Variants in STRA8 observed in about 807,000 individuals in gnomAD.
STRA8 encodes stimulated by retinoic acid gene 8 protein homolog.
Under a neutral mutation model 37.1 loss-of-function variants are expected in STRA8, and 18 were observed. The observed-to-expected ratio is 0.48, with a 90% CI of 0.34 to 0.72. STRA8 has a LOEUF of 0.72. STRA8 is among the 30% of genes least tolerant of loss of function. The pLI is 0.01. For missense variants in STRA8, 357 were observed against 410.4 expected (o/e 0.87, Z 1.13); for synonymous variants, 168 against 162.9 (o/e 1.03, Z -0.24).
chr7:135,252,954 A>G (rs1323648250), intron 7 of STRA8, among the ~76,000 whole-genome samples: 1 of 151,952 alleles, frequency 6.6e-6, no homozygotes, highest in Non-Finnish European at 1.5e-5. Context: ...TTTTTTTCTA[A>G]GACAGAGTCT....
chr7:135,232,820 G>A (rs1832313250), upstream of STRA8, among the ~76,000 whole-genome samples: 1 of 152,136 alleles, frequency 6.6e-6, no homozygotes, highest in African/African-American at 2.4e-5. Flanking sequence ...TCCCTGCGAG[G>A]TGGATTCTAA....
chr7:135,253,225 C>A (rs1294257148), intron 7 of STRA8, among the ~76,000 whole-genome samples: 1 of 152,346 alleles, frequency 6.6e-6, no homozygotes, highest in East Asian at 1.9e-4. Flanking sequence ...TGAGCCACAG[C>A]GCCTGGCTCT....
At chr7:135,257,861 TC>T (rs1393176642) in intron 8 of STRA8, among the ~76,000 whole-genome samples, 2 of 152,166 alleles carry the variant, frequency 1.3e-5, no homozygotes, top group African/African-American at 4.8e-5. Context: ...CCCCATACCC[TC>T]CCCCAGAGGC....
In STRA8 at chr7:135,245,705, C is replaced by T. The variant is rs573010076; in HGVS notation, c.593+178C>T. ...TTTTCATATGGGAGGGGCTGAGGGA[C>T]AGGACTGGCAGAGAGGCTAGAGAAA... On this transcript the variant is annotated intron_variant, in intron 5 of 8. Transcript: ENST00000662584. Among the ~76,000 whole-genome samples, 98 of 152,254 alleles carry T rather than the reference C, an allele frequency of 6.4e-4. 5 individuals carry two copies. The highest frequency in any genetic ancestry group is 3.4e-3 in the Middle Eastern group (1 of 294).
chr7:135,243,281 G>A (rs62481958), intron 3 of STRA8, 45 bp from the exon 4 acceptor site: 3 of 1,604,032 alleles, frequency 1.9e-6, no homozygotes, highest in Admixed American at 1.7e-5. Context: ...CTCAACAGAG[G>A]CCTGACTTTT....
At chr7:135,254,145 T>G (rs1034456708) in intron 7 of STRA8, among the ~76,000 whole-genome samples, 5 of 152,164 alleles carry the variant, frequency 3.3e-5, no homozygotes, top group Non-Finnish European at 5.9e-5. Context: ...TTGCTGCAAT[T>G]GGCTGGAAGA....
chr7:135,238,201 G>C (rs114032613), intron 1 of STRA8, among the ~76,000 whole-genome samples: 10 of 152,250 alleles, frequency 6.6e-5, no homozygotes, highest in South Asian at 2.1e-4. Flanking sequence ...TGAGCCAAGG[G>C]GGGGCGGGGG....
chr7:135,256,588 T>C (rs1294833051), intron 8 of STRA8, among the ~76,000 whole-genome samples: 1 of 152,184 alleles, frequency 6.6e-6, no homozygotes, highest in Non-Finnish European at 1.5e-5. Context: ...GCAGATCACT[T>C]GATCCCAGGA....
At chr7:135,233,546 C>T (rs2117778466), upstream of STRA8, among the ~76,000 whole-genome samples, 2 of 152,276 alleles carry the variant, frequency 1.3e-5, no homozygotes, top group East Asian at 1.9e-4. Context: ...TCTGAGGACA[C>T]ATGAAGGCTG....
intron 2 of STRA8, among the ~76,000 whole-genome samples, chr7:135,241,889 A>G (rs193172889): frequency 2.5e-3 from 387 of 152,238 alleles, no homozygotes; most frequent in African/African-American, 8.7e-3. Flanking sequence ...AGCCCCTGAC[A>G]GATATAGGTG....
At chr7:135,237,570 G>A (rs1031386468) in intron 1 of STRA8, among the ~76,000 whole-genome samples, 7 of 152,072 alleles carry the variant, frequency 4.6e-5, no homozygotes, top group Admixed American at 2.6e-4. Context: ...AGGTGCTGAC[G>A]GGACAGACCC....
At chr7:135,252,013 A>AGAGTGT (rs142941773) in intron 7 of STRA8, 144 bp downstream of exon 7, 1,237 of 504,788 alleles carry the variant, frequency 2.5e-3, no homozygotes, top group African/African-American at 3.9e-3. Flanking sequence ...AGAGAGAGAG[A>AGAGTGT]GTGTGTGTGT....
At chr7:135,244,974 A>G (rs1003010941) in intron 4 of STRA8, among the ~76,000 whole-genome samples, 1 of 152,196 alleles carries the variant, frequency 6.6e-6, no homozygotes, top group Non-Finnish European at 1.5e-5. Flanking sequence ...TCAGGTTAAC[A>G]AAGCTCCTTT....
At chr7:135,243,436 C>T (rs375698088) in intron 4 of STRA8, 26 bp downstream of exon 4, 51 of 1,609,808 alleles carry the variant, frequency 3.2e-5, no homozygotes, top group African/African-American at 1.7e-4. Context: ...CCCCAGGAAG[C>T]TGGGGACCTG....
chr7:135,243,428 C>T lies in STRA8; in HGVS notation c.353+18C>T, dbSNP rs1461559676. 1.2e-6 allele frequency: 2 copies of T among 1,613,098 alleles called. No homozygotes were observed. The highest frequency in any genetic ancestry group is 3.3e-5 in the Admixed American group (2 of 60,004). On this transcript the variant is annotated intron_variant, in intron 4 of 8. Coordinates refer to ENST00000662584, the MANE Select transcript of STRA8 (RefSeq NM_001394401.1). ...AATGACAGGTAAGACACCACAAACC[C>T]CAGGAAGCTGGGGACCTGCTGTGTC...
intron 2 of STRA8, 41 bp downstream of exon 2, chr7:135,240,757 G>C (rs1189451852): frequency 6.2e-7 from 1 of 1,603,998 alleles, no homozygotes; most frequent in Non-Finnish European, 8.5e-7. Context: ...TCTCCACGGG[G>C]AAGGAGACGT....
chr7:135,242,091 AAGGGAGGG>A (rs1391853699), intron 2 of STRA8, among the ~76,000 whole-genome samples: 11 of 136,836 alleles, frequency 8.0e-5, no homozygotes, highest in East Asian at 2.5e-4. Context: ...GAAGGAAAGG[AAGGGAGGG>A]AGGGAGGGAG....
At chr7:135,242,879 C>G in intron 3 of STRA8, 23 bp downstream of exon 3, 1 of 1,610,078 alleles carries the variant, frequency 6.2e-7, no homozygotes, top group South Asian at 1.1e-5. Context: ...TACTTGCCAA[C>G]CCCATCTCCC....
At chr7:135,237,111 G>A (rs1390244189) in intron 1 of STRA8, among the ~76,000 whole-genome samples, 4 of 152,192 alleles carry the variant, frequency 2.6e-5, no homozygotes, top group Non-Finnish European at 4.4e-5. Flanking sequence ...GAAGACAGGG[G>A]CAGAGAGAGA....
Sources: allele counts gnomAD v4.1 joint callset (sites outside exome capture counted in the v4.1 genomes callset), GRCh38; gene constraint gnomAD v4.1.1; transcripts MANE v1.5; gene names NCBI Gene and HGNC (gene_info 2026-07-23, HGNC 2026-07-21).